Variants in GC observed in about 807,000 individuals in gnomAD.
The protein encoded by GC is GC vitamin D binding protein.
Under a neutral mutation model 56.7 loss-of-function variants are expected in GC, and 43 were observed. The ratio of observed to expected loss-of-function variants is 0.76; its 90% CI spans 0.59 to 0.98. The LOEUF is 0.98. Ranked by LOEUF, GC falls within the 50% of genes least tolerant of loss-of-function variation. GC has a pLI of 0.00. For synonymous variants in GC, 216 were observed against 202.7 expected (o/e 1.07, Z -0.56); for missense variants, 529 against 545.9 (o/e 0.97, Z 0.31).
intron 1 of GC, among the ~76,000 whole-genome samples, chr4:71,795,878 C>T (rs976241387): frequency 4.6e-5 from 7 of 152,152 alleles, no homozygotes; most frequent in African/African-American, 7.2e-5. Flanking sequence ...TCAGCATTTG[C>T]TTGTCTGTAA....
chr4:71,749,828 G>T (rs1320693706), intron 11 of GC, among the ~76,000 whole-genome samples: 1 of 152,068 alleles, frequency 6.6e-6, no homozygotes, highest in Non-Finnish European at 1.5e-5. Context: ...TAAAGAAAAG[G>T]CTTTTATTCT....
In GC at chr4:71,765,511, C is replaced by T; in HGVS notation, c.394G>A (p.Glu132Lys). 6.2e-7 allele frequency: 1 copy of T among 1,614,018 alleles called. No homozygotes were observed. The highest frequency in any genetic ancestry group is 8.5e-7 in the Non-Finnish European group (1 of 1,179,952). ...CMAALKHQPQ[E>K]FPTYVEPTND... The stretch of plus-strand genomic sequence containing the variant: ...GTGGGTTCCACGTAGGTAGGGAATT[C>T]CTGTGGCTGGTGTTTCAGAGCAGCC... Residue 132 changes from glutamate (E) to lysine (K), a missense_variant, in exon 4 of 13, where the codon GAA becomes AAA. By Grantham distance (56) the Glu-to-Lys change is moderately conservative (BLOSUM62 1). Coordinates refer to ENST00000273951, the MANE Select transcript of GC (RefSeq NM_000583.4).
exon 1 of GC, chr4:71,804,033 A>C: frequency 1.2e-6 from 1 of 834,102 alleles, no homozygotes; most frequent in South Asian, 1.4e-5. Context: ...ATCTCTTTGA[A>C]AAAACAGTGA....
intron 1 of GC, among the ~76,000 whole-genome samples, chr4:71,790,798 G>C (rs1029803552): frequency 1.3e-5 from 2 of 149,992 alleles, no homozygotes; most frequent in African/African-American, 4.9e-5. Context: ...TAAGTTTTAG[G>C]GTACATGTGC....
Position 71,746,130 on chromosome 4 carries a change from G to A in GC, c.*25+21C>T, listed in dbSNP as rs376989511. The stretch of plus-strand genomic sequence containing the variant: ...CTACAATGCTGGATCCGTTGGTCCT[G>A]CATTTATAAAATATACTTACCAAAG... On this transcript the variant is annotated intron_variant, in intron 12 of 12. Transcript: ENST00000273951. 1.1e-4 allele frequency: 96 copies of A among 880,934 alleles called. 1 individual carries two copies. Among genetic ancestry groups the A allele is most frequent in the South Asian group, 8.3e-4 (62 of 74,412 alleles). The allele number at this position is 880,934 out of a possible 1,614,324, so 54.6% of individuals were successfully genotyped here. A position where few individuals can be genotyped will look rare whatever the true frequency, so the allele number is the denominator to read the frequency against.
intron 11 of GC, among the ~76,000 whole-genome samples, chr4:71,749,536 A>T (rs1741480134): frequency 6.6e-6 from 1 of 152,182 alleles, no homozygotes; most frequent in Non-Finnish European, 1.5e-5. Context: ...CTTTCGTAAT[A>T]ACAGACTCTC....
At chr4:71,750,158 A>G (rs1189496882) in intron 11 of GC, among the ~76,000 whole-genome samples, 1 of 152,256 alleles carries the variant, frequency 6.6e-6, no homozygotes, top group Non-Finnish European at 1.5e-5. Context: ...TTAAAAAGTC[A>G]CTTCAAGTAT....
intron 1 of GC, among the ~76,000 whole-genome samples, chr4:71,791,437 C>A (rs137896501): frequency 3.4e-4 from 52 of 151,978 alleles, no homozygotes; most frequent in Non-Finnish European, 6.0e-4. Flanking sequence ...CAGATATGCA[C>A]TGTATGATTC....
At chr4:71,770,300 A>G (rs1478364646) in intron 1 of GC, among the ~76,000 whole-genome samples, 1 of 152,114 alleles carries the variant, frequency 6.6e-6, no homozygotes, top group Non-Finnish European at 1.5e-5. Context: ...TGTCTTAAAT[A>G]TATTTCCCCC....
intron 1 of GC, among the ~76,000 whole-genome samples, chr4:71,777,117 C>A (rs1742532055): frequency 6.6e-6 from 1 of 151,068 alleles, no homozygotes; most frequent in Admixed American, 6.6e-5. Context: ...TTTAGTATGG[C>A]CAAAAGAGTT....
intron 7 of GC, 126 bp from the exon 8 acceptor site, chr4:71,757,040 G>T (rs1481331440): frequency 2.5e-5 from 16 of 638,342 alleles, no homozygotes; most frequent in Non-Finnish European, 4.4e-5. Context: ...CTCTCAGAAA[G>T]AAAATTGGTA....
At chr4:71,744,458 C>CAAAAAAAAAAAA (rs35292398) in intron 12 of GC, among the ~76,000 whole-genome samples, 1 of 83,738 alleles carries the variant, frequency 1.2e-5, no homozygotes. Flanking sequence ...GACTCCATCT[C>CAAAAAAAAAAAA]AAAAAAAAAA....
Position 71,765,314 on chromosome 4 carries a change from G to A in GC, c.473+118C>T. The A allele has an allele frequency of 2.6e-6, 2 of 776,974 alleles. 1 individual carries two copies. The highest frequency in any genetic ancestry group is 3.1e-5 in the South Asian group (2 of 65,116). The allele number at this position is 776,974 out of a possible 1,614,324, so 48.1% of individuals were successfully genotyped here. ...ATGGGCTGTCTCAGATGACAGTCAA[G>A]TTATCAGAATTTGTTCAGGTTGCTG... is the stretch of plus-strand genomic sequence containing the variant. On this transcript the variant is annotated intron_variant, in intron 4 of 12. Coordinates refer to ENST00000273951, the MANE Select transcript of GC (RefSeq NM_000583.4).
rs757515784 is a variant in GC, at chr4:71,758,142, G to C, written c.731C>G (p.Pro244Arg). 1.2e-6 allele frequency: 2 copies of C among 1,613,056 alleles called. No homozygotes were observed. The highest frequency in any genetic ancestry group is 2.2e-5 in the South Asian group (2 of 91,018). The change falls in exon 7 of 13, where the codon CCT becomes CGT. Residue 244 changes from proline (P) to arginine (R), a missense_variant. Coordinates refer to ENST00000273951, the MANE Select transcript of GC (RefSeq NM_000583.4). Reference sequence around the variant, plus strand: ...CAAAACATCCTCCAGATCAGCAGTAGGCACTTTTTGGGCTAACTTTATGAG... The same window carrying C: ...CAAAACATCCTCCAGATCAGCAGTACGCACTTTTTGGGCTAACTTTATGAG... ...SNLIKLAQKV[P>R]TADLEDVLPL...
chr4:71,771,300 G>A (rs910250559), intron 1 of GC, among the ~76,000 whole-genome samples: 1 of 151,968 alleles, frequency 6.6e-6, no homozygotes, highest in Non-Finnish European at 1.5e-5. Context: ...TGCAGTGGAG[G>A]TGGTGGTGAT....
intron 1 of GC, chr4:71,769,722 T>C (rs1249152073): frequency 5.6e-6 from 1 of 178,212 alleles, no homozygotes; most frequent in Non-Finnish European, 1.2e-5. Context: ...CCTATCTTTA[T>C]AATGATACCA....
Position 71,803,812 on chromosome 4 carries a change from C to T in GC, c.21+114G>A, listed in dbSNP as rs1159295169. ...TATATTTTTAATTTTATTTGCTTTG[C>T]ACAGAAATCCTCTGTGTTGGTAGTC... is the stretch of plus-strand genomic sequence containing the variant. On this transcript the variant is annotated intron_variant, in intron 1 of 13. Coordinates refer to the GC transcript ENST00000504199. The T allele has an allele frequency of 4.3e-6, 3 of 697,512 alleles. No individual in the cohort carries two copies. In the African/African-American group the frequency reaches 5.3e-5, roughly 12 times the overall value. The allele number at this position is 697,512 out of a possible 1,614,324, so 43.2% of individuals were successfully genotyped here.
At chr4:71,744,491 C>A (rs222047) in intron 12 of GC, among the ~76,000 whole-genome samples, 79,545 of 145,280 alleles carry the variant, frequency 0.55, 24,053 homozygotes, top group African/African-American at 0.81. Flanking sequence ...ATACTTCTGA[C>A]ATTTGTTCTG....
chr4:71,775,035 T>C lies in GC; in HGVS notation c.59-5635A>G, dbSNP rs1304570813. Among the ~76,000 whole-genome samples the C allele has an allele frequency of 3.0e-3, 435 of 142,974 alleles. 2 individuals are homozygous for C. Among genetic ancestry groups the C allele is most frequent in the Non-Finnish European group, 5.1e-3 (335 of 65,054 alleles). The allele number at this position is 142,974 out of a possible 152,430, so 93.8% of individuals were successfully genotyped here. ...TTCTTCATTTTCTTCCCCGGCCCTT[T>C]TTTTTTTTTTTTTTAAATGAAAAAG... On this transcript the variant is annotated intron_variant, in intron 1 of 12. Coordinates refer to ENST00000273951, the MANE Select transcript of GC (RefSeq NM_000583.4).
Sources: allele counts gnomAD v4.1 joint callset (sites outside exome capture counted in the v4.1 genomes callset), GRCh38; gene constraint gnomAD v4.1.1; transcripts MANE v1.5; gene names NCBI Gene and HGNC (gene_info 2026-07-23, HGNC 2026-07-21).